Variants in NCAM2 observed in about 807,000 individuals in gnomAD.
NCAM2 encodes N-CAM-2.
A neutral mutation model predicts 98.1 loss-of-function variants in NCAM2; 30 were observed. That is an observed-to-expected ratio of 0.31 (90% confidence interval 0.23 to 0.41). The LOEUF is 0.41. Among genes scored for constraint, NCAM2 ranks in the 10% least tolerant of loss-of-function variants. The pLI is 1.00. For missense variants in NCAM2, 867 were observed against 1,005.8 expected (o/e 0.86, Z 1.87); for synonymous variants, 368 against 342.4 (o/e 1.07, Z -0.83).
At chr21:21,252,297 C>A (rs1007375105) in intron 1 of NCAM2, among the ~76,000 whole-genome samples, 2 of 151,224 alleles carry the variant, frequency 1.3e-5, no homozygotes, top group African/African-American at 4.8e-5. Flanking sequence ...AAATGTGTAT[C>A]CCTGAATCAA....
At chr21:21,416,490 T>A (rs1382046456) in intron 10 of NCAM2, among the ~76,000 whole-genome samples, 1 of 146,426 alleles carries the variant, frequency 6.8e-6, no homozygotes, top group Non-Finnish European at 1.5e-5. Flanking sequence ...AACCTTCAAT[T>A]TGTGAAAAAA....
At chr21:21,088,959 A>T (rs1387839550) in intron 1 of NCAM2, among the ~76,000 whole-genome samples, 1 of 141,674 alleles carries the variant, frequency 7.1e-6, no homozygotes, top group Non-Finnish European at 1.5e-5. Flanking sequence ...CGACAGAGCG[A>T]AACTCTGTCT....
intron 16 of NCAM2, among the ~76,000 whole-genome samples, chr21:21,509,535 A>T (rs2826871): frequency 0.44 from 66,772 of 152,034 alleles, 16,152 homozygotes; most frequent in Middle Eastern, 0.57. Flanking sequence ...AGAAAATATG[A>T]TATGTGCTAT....
chr21:21,025,140 C>CAGTG (rs1416338240), intron 1 of NCAM2, among the ~76,000 whole-genome samples: 2 of 151,392 alleles, frequency 1.3e-5, no homozygotes, highest in African/African-American at 4.9e-5. Flanking sequence ...GGCTGGAGTG[C>CAGTG]AGTGGTGCAA....
At chr21:21,109,085 C>T (rs1255624620) in intron 1 of NCAM2, among the ~76,000 whole-genome samples, 9 of 152,064 alleles carry the variant, frequency 5.9e-5, no homozygotes, top group Admixed American at 5.9e-4. Flanking sequence ...GCTGGGGTCA[C>T]TGCTACTGTG....
chr21:21,500,407 G>A (rs1398999167), intron 15 of NCAM2, among the ~76,000 whole-genome samples: 8 of 152,074 alleles, frequency 5.3e-5, no homozygotes, highest in Non-Finnish European at 1.2e-4. Context: ...GGCCCCACCT[G>A]GTGTGATGCA....
chr21:21,439,986 G>A (rs1978998415), intron 12 of NCAM2, among the ~76,000 whole-genome samples: 1 of 152,174 alleles, frequency 6.6e-6, no homozygotes, highest in African/African-American at 2.4e-5. Context: ...CTGACTCATG[G>A]AATATGTGTA....
At chr21:21,027,103 C>T (rs2064565288) in intron 1 of NCAM2, among the ~76,000 whole-genome samples, 1 of 152,264 alleles carries the variant, frequency 6.6e-6, no homozygotes, top group Non-Finnish European at 1.5e-5. Flanking sequence ...AATGATTCAC[C>T]TGCCTCAGCC....
chr21:21,158,393 A>G (rs1258411201), intron 1 of NCAM2, among the ~76,000 whole-genome samples: 1 of 152,058 alleles, frequency 6.6e-6, no homozygotes, highest in Admixed American at 6.6e-5. Flanking sequence ...TGGGCAGATC[A>G]TGAGGTCAAG....
intron 1 of NCAM2, among the ~76,000 whole-genome samples, chr21:21,218,009 C>A (rs1309758183): frequency 6.6e-6 from 1 of 152,186 alleles, no homozygotes; most frequent in African/African-American, 2.4e-5. Flanking sequence ...CCTGTGAGCA[C>A]CTTGATTTTG....
intron 1 of NCAM2, among the ~76,000 whole-genome samples, chr21:21,002,286 A>G (rs886874731): frequency 6.6e-6 from 1 of 152,156 alleles, no homozygotes; most frequent in African/African-American, 2.4e-5. Context: ...AGAGTGTCAG[A>G]TGAGTCTTTT....
intron 1 of NCAM2, among the ~76,000 whole-genome samples, chr21:21,096,046 T>C (rs995604633): frequency 3.3e-5 from 5 of 151,666 alleles, no homozygotes; most frequent in Admixed American, 2.6e-4. Flanking sequence ...AATTACCCTA[T>C]GGGACTATCC....
intron 1 of NCAM2, among the ~76,000 whole-genome samples, chr21:21,036,064 T>C (rs2064791103): frequency 6.6e-6 from 1 of 152,154 alleles, no homozygotes; most frequent in African/African-American, 2.4e-5. Context: ...TTTGGAGCAT[T>C]AAGGGCCCTC....
At chr21:21,266,467 C>A (rs1186084180) in intron 1 of NCAM2, among the ~76,000 whole-genome samples, 1 of 151,990 alleles carries the variant, frequency 6.6e-6, no homozygotes, top group African/African-American at 2.4e-5. Flanking sequence ...GACTTGGAAC[C>A]AACCCAAATG....
chr21:21,154,336 C>T (rs1232793622), intron 1 of NCAM2, among the ~76,000 whole-genome samples: 6 of 151,648 alleles, frequency 4.0e-5, no homozygotes, highest in Non-Finnish European at 7.4e-5. Context: ...TATGCACAAA[C>T]CAACTATAAA....
chr21:21,410,203 G>T, intron 9 of NCAM2, 71 bp from the exon 10 acceptor site: 1 of 815,906 alleles, frequency 1.2e-6, no homozygotes. Context: ...AATAACTAAT[G>T]CTTATACTAC....
intron 12 of NCAM2, among the ~76,000 whole-genome samples, chr21:21,440,693 A>AG (rs1979116422): frequency 6.7e-6 from 1 of 150,314 alleles, no homozygotes; most frequent in African/African-American, 2.5e-5. Flanking sequence ...CAACAACAAA[A>AG]AAAAGAAAAG....
intron 1 of NCAM2, among the ~76,000 whole-genome samples, chr21:21,250,638 TC>T (rs1226286140): frequency 2.6e-5 from 4 of 152,276 alleles, no homozygotes; most frequent in African/African-American, 9.6e-5. Context: ...TATGTTTTTT[TC>T]AAATTAAAAT....
chr21:21,132,805 T>G (rs1302559733), intron 1 of NCAM2, among the ~76,000 whole-genome samples: 1 of 120,054 alleles, frequency 8.3e-6, no homozygotes, highest in African/African-American at 3.7e-5. Flanking sequence ...ACATAATGAA[T>G]ATTTTTTAAA....
Sources: gnomAD v4.1 joint callset for allele counts (sites outside exome capture counted in the v4.1 genomes callset) on GRCh38, gnomAD v4.1.1 for gene constraint, MANE v1.5 for transcripts, NCBI Gene and HGNC (gene_info 2026-07-23, HGNC 2026-07-21) for gene names.